FCHSD2: variants seen among roughly 807,000 people sequenced by gnomAD.
The protein encoded by FCHSD2 is FCH and double SH3 domains 2.
In FCHSD2, 38 loss-of-function variants were observed where a neutral mutation model predicts 108.1. The observed-to-expected ratio is 0.35, with a 90% confidence interval of 0.27 to 0.46. FCHSD2 has a LOEUF of 0.46. Ranked by LOEUF, FCHSD2 falls within the 20% of genes least tolerant of loss-of-function variation. The probability of loss-of-function intolerance (pLI) is 1.00; values close to 1 mark genes in which losing one functional copy is unlikely to be tolerated. For missense variants in FCHSD2, 751 were observed against 897.8 expected, an observed-to-expected ratio of 0.84 and a Z score of 2.09; for synonymous variants, 279 against 314.7, an observed-to-expected ratio of 0.89 and a Z score of 1.20.
At chr11:72,905,600 C>A (rs112633302) in intron 9 of FCHSD2, among the ~76,000 whole-genome samples, 1 of 152,160 alleles carries the variant, frequency 6.6e-6, no homozygotes, top group East Asian at 1.9e-4. Context: ...CCCCCCACCC[C>A]CCGACAGGTC....
intron 2 of FCHSD2, among the ~76,000 whole-genome samples, chr11:73,135,579 A>G (rs981247416): frequency 2.0e-5 from 3 of 152,164 alleles, no homozygotes; most frequent in Admixed American, 1.3e-4. Flanking sequence ...CTTAAAAAGC[A>G]AAGAGAAAAA....
In FCHSD2 at chr11:72,843,342, A is replaced by G; in HGVS notation, c.1528-14T>C. On this transcript the variant is annotated splice_polypyrimidine_tract_variant and intron_variant, in intron 15 of 19. Coordinates refer to ENST00000409418, the MANE Select transcript of FCHSD2 (RefSeq NM_014824.3). ...TTTATTTCGAGCCTGGGTAAAAGACATGTGACAAAACAAGTTTACACACAC... is the reference window on the plus strand; with the variant it reads ...TTTATTTCGAGCCTGGGTAAAAGACGTGTGACAAAACAAGTTTACACACAC... 1 of 1,607,328 alleles carries G rather than the reference A, an allele frequency of 6.2e-7. No homozygotes were observed. Among genetic ancestry groups the G allele is most frequent in the Non-Finnish European group, 8.5e-7 (1 of 1,175,338 alleles).
Position 73,015,890 on chromosome 11 carries a change from T to TA in FCHSD2, c.166-6dup. ...ACTAGCCAACTTCTGCATACCCTGT[T>TA]AAAAAATACATATTTTTTCTAAAAT... On this transcript the variant is annotated splice_polypyrimidine_tract_variant and splice_region_variant and intron_variant, in intron 3 of 19. Transcript: ENST00000409418. 1 of 1,535,548 alleles carries TA rather than the reference T, an allele frequency of 6.5e-7. No individual in the cohort carries two copies. Among genetic ancestry groups the TA allele is most frequent in the Non-Finnish European group, 8.9e-7 (1 of 1,121,878 alleles).
At chr11:73,084,739 C>T (rs781612695) in intron 2 of FCHSD2, among the ~76,000 whole-genome samples, 10 of 152,158 alleles carry the variant, frequency 6.6e-5, no homozygotes, top group Admixed American at 2.6e-4. Flanking sequence ...TGGAATGCAT[C>T]TTTTAATGAT....
At chr11:72,861,773 A>T (rs1013145903) in intron 13 of FCHSD2, among the ~76,000 whole-genome samples, 10 of 152,228 alleles carry the variant, frequency 6.6e-5, no homozygotes, top group Admixed American at 5.9e-4. Flanking sequence ...CTACTAAAAA[A>T]ATATAAAATT....
At chr11:72,907,240 C>A (rs1855648689) in intron 9 of FCHSD2, among the ~76,000 whole-genome samples, 1 of 152,126 alleles carries the variant, frequency 6.6e-6, no homozygotes, top group Non-Finnish European at 1.5e-5. Flanking sequence ...TGGGCTGAGA[C>A]AATGGGGTTT....
intron 2 of FCHSD2, among the ~76,000 whole-genome samples, chr11:73,134,703 A>T (rs1427377525): frequency 6.6e-6 from 1 of 152,230 alleles, no homozygotes; most frequent in Non-Finnish European, 1.5e-5. Flanking sequence ...AAAGTTTTTT[A>T]AGTGTCTTTG....
chr11:72,901,100 T>C (rs999986864), intron 10 of FCHSD2, among the ~76,000 whole-genome samples: 2 of 152,170 alleles, frequency 1.3e-5, no homozygotes, highest in African/African-American at 2.4e-5. Flanking sequence ...TTTAAACAAT[T>C]GCCAATTGGG....
chr11:73,027,624 T>C (rs1858259057), intron 3 of FCHSD2, among the ~76,000 whole-genome samples: 1 of 152,214 alleles, frequency 6.6e-6, no homozygotes, highest in Non-Finnish European at 1.5e-5. Flanking sequence ...GAAATTTGCA[T>C]GAGTAAAAAG....
Position 72,937,878 on chromosome 11 carries a change from G to A in FCHSD2, c.706-15928C>T, listed in dbSNP as rs556132527. Among the ~76,000 whole-genome samples the A allele has an allele frequency of 1.6e-4, 24 of 152,280 alleles. No homozygotes were observed. The South Asian group carries it at 4.6e-3, about 29-fold the overall frequency. On this transcript the variant is annotated intron_variant, in intron 8 of 19. Coordinates refer to ENST00000409418, the MANE Select transcript of FCHSD2 (RefSeq NM_014824.3). Reference sequence around the variant, plus strand: ...TGAGTGCACCCAGTTATTATGCTAGGCACCATGGGAAATACAGAACATAAG... The same window carrying A: ...TGAGTGCACCCAGTTATTATGCTAGACACCATGGGAAATACAGAACATAAG...
intron 9 of FCHSD2, among the ~76,000 whole-genome samples, chr11:72,905,125 G>A (rs1261927804): frequency 6.6e-6 from 1 of 152,170 alleles, no homozygotes; most frequent in African/African-American, 2.4e-5. Context: ...TGGCAAAAGT[G>A]ACTTTGTAGA....
At chr11:72,989,684 T>C (rs886644490) in intron 5 of FCHSD2, among the ~76,000 whole-genome samples, 1 of 152,164 alleles carries the variant, frequency 6.6e-6, no homozygotes, top group African/African-American at 2.4e-5. Flanking sequence ...GGAGAAGGGA[T>C]GGACATAACA....
chr11:73,070,628 G>A (rs1591530412), intron 3 of FCHSD2, among the ~76,000 whole-genome samples: 1 of 151,962 alleles, frequency 6.6e-6, no homozygotes, highest in African/African-American at 2.4e-5. Context: ...GTTTCACCAT[G>A]CTGGCCAGGC....
chr11:72,983,746 T>G, intron 8 of FCHSD2: 1 of 443,668 alleles, frequency 2.3e-6, no homozygotes. Context: ...ATGAGTCTCA[T>G]AAAATAGCTC....
chr11:73,115,697 T>C (rs550044829), intron 2 of FCHSD2, among the ~76,000 whole-genome samples: 1 of 152,332 alleles, frequency 6.6e-6, no homozygotes, highest in African/African-American at 2.4e-5. Flanking sequence ...GTCCAAAATC[T>C]GTAGGGCAGG....
intron 12 of FCHSD2, among the ~76,000 whole-genome samples, chr11:72,871,490 G>T (rs1294055268): frequency 1.3e-5 from 2 of 152,046 alleles, no homozygotes; most frequent in African/African-American, 2.4e-5. Flanking sequence ...AACATTTAAG[G>T]TTCCACTAAG....
At chr11:73,141,491 A>T in intron 1 of FCHSD2, 2 of 310,586 alleles carry the variant, frequency 6.4e-6, no homozygotes, top group Non-Finnish European at 1.2e-5. Flanking sequence ...AAACAATCAC[A>T]CACGCACAAG....
At chr11:72,896,958 C>A (rs1273061207) in intron 10 of FCHSD2, among the ~76,000 whole-genome samples, 1 of 151,886 alleles carries the variant, frequency 6.6e-6, no homozygotes, top group East Asian at 1.9e-4. Context: ...TCCCGAGTAG[C>A]TGGGACTACA....
chr11:73,057,072 G>C (rs1591519397), intron 3 of FCHSD2, among the ~76,000 whole-genome samples: 1 of 152,116 alleles, frequency 6.6e-6, no homozygotes. Context: ...GACAGAGCAA[G>C]ACTCCGACTC....
Sources: gnomAD v4.1 joint callset for allele counts (sites outside exome capture counted in the v4.1 genomes callset) on GRCh38, gnomAD v4.1.1 for gene constraint, MANE v1.5 for transcripts, NCBI Gene and HGNC (gene_info 2026-07-23, HGNC 2026-07-21) for gene names.